The following FBRSL1 variants were observed in gnomAD, a reference collection of about 807,000 sequenced individuals.
FBRSL1 encodes fibrosin-1-like protein.
Under a neutral mutation model 89.6 loss-of-function variants are expected in FBRSL1, and 51 were observed. The ratio of observed to expected loss-of-function variants is 0.57; its 90% confidence interval spans 0.45 to 0.72. The LOEUF is 0.72. Ranked by LOEUF, FBRSL1 falls within the 30% of genes least tolerant of loss-of-function variation. FBRSL1 has a pLI of 0.00. For missense variants in FBRSL1, 1,618 were observed against 1,451.8 expected (o/e 1.11, Z -1.86); for synonymous variants, 779 against 681.1 (o/e 1.14, Z -2.24).
chr12:132,490,465 C>A lies in FBRSL1; in HGVS notation c.-106C>A. 1 of 806,738 alleles carries A rather than the reference C, an allele frequency of 1.2e-6. No individual in the cohort carries two copies. The highest frequency in any genetic ancestry group is 1.5e-6 in the Non-Finnish European group (1 of 672,258). The allele number at this position is 806,738 out of a possible 1,614,324, so 50.0% of individuals were successfully genotyped here. ...CCGCCGCCCAGGGCCCGAGCCCGCG[C>A]GGCGCACACTCAGCCCGGCGGCGCC... On this transcript the variant is annotated 5_prime_UTR_variant, in exon 1 of 19. Transcript: ENST00000680143.
chr12:132,498,435 G>C (rs2032415520), intron 1 of FBRSL1, among the ~76,000 whole-genome samples: 1 of 152,196 alleles, frequency 6.6e-6, no homozygotes, highest in East Asian at 1.9e-4. Flanking sequence ...CCGCAGCAGA[G>C]TGGATCTGTG....
chr12:132,512,929 C>T (rs2034500442), intron 2 of FBRSL1, among the ~76,000 whole-genome samples: 2 of 152,236 alleles, frequency 1.3e-5, no homozygotes, highest in Admixed American at 1.3e-4. Context: ...CTCGAACCCA[C>T]TGTCTGCACT....
At chr12:132,520,829 C>T (rs572389909) in intron 2 of FBRSL1, among the ~76,000 whole-genome samples, 36 of 152,330 alleles carry the variant, frequency 2.4e-4, no homozygotes, top group African/African-American at 7.0e-4. Flanking sequence ...GCGAAGGCAG[C>T]GGAGAGAGGT....
chr12:132,494,822 C>T (rs1431617782), intron 1 of FBRSL1, among the ~76,000 whole-genome samples: 1 of 152,224 alleles, frequency 6.6e-6, no homozygotes, highest in Non-Finnish European at 1.5e-5. Flanking sequence ...AAGGAAAGCA[C>T]CCAGCCTCCT....
intron 1 of FBRSL1, among the ~76,000 whole-genome samples, chr12:132,498,291 G>C (rs530805026): frequency 6.6e-6 from 1 of 152,170 alleles, no homozygotes; most frequent in Admixed American, 6.5e-5. Context: ...ACAGCAGTCG[G>C]AATGTTCCAG....
At chr12:132,572,870 G>GGA (rs1159637779) in intron 11 of FBRSL1, among the ~76,000 whole-genome samples, 2 of 152,238 alleles carry the variant, frequency 1.3e-5, no homozygotes, top group East Asian at 1.9e-4. Flanking sequence ...GGGACCGTGT[G>GGA]GAGAGCACAC....
intron 14 of FBRSL1, 69 bp from the exon 15 acceptor site, chr12:132,576,730 C>T: frequency 6.7e-7 from 1 of 1,496,724 alleles, no homozygotes; most frequent in Non-Finnish European, 9.0e-7. Context: ...TGTGGCCCCT[C>T]AGGCCTGGGC....
Position 132,490,444 on chromosome 12 carries a change from C to A in FBRSL1, c.-127C>A. 3.1e-6 allele frequency: 2 copies of A among 650,882 alleles called. No homozygotes were observed. The highest frequency in any genetic ancestry group is 1.4e-4 in the South Asian group (2 of 13,922). 40.3% of individuals were successfully genotyped at this position (650,882 alleles called of 1,614,324 possible). A position where few individuals can be genotyped will look rare whatever the true frequency, so the allele number is the denominator to read the frequency against. On this transcript the variant is annotated 5_prime_UTR_variant, in exon 1 of 19. Transcript: ENST00000680143. Reference sequence around the variant, plus strand: ...CCCGGCCCGGCCCGCCGCCCGCCGCCGCCCAGGGCCCGAGCCCGCGCGGCG... The same window carrying A: ...CCCGGCCCGGCCCGCCGCCCGCCGCAGCCCAGGGCCCGAGCCCGCGCGGCG...
intron 2 of FBRSL1, among the ~76,000 whole-genome samples, chr12:132,525,443 G>C (rs1328938013): frequency 6.6e-6 from 1 of 152,200 alleles, no homozygotes; most frequent in African/African-American, 2.4e-5. Flanking sequence ...TGAGCCGGTG[G>C]GTCCTGGGTA....
chr12:132,530,628 T>C (rs1274364529), intron 4 of FBRSL1, among the ~76,000 whole-genome samples: 1 of 151,516 alleles, frequency 6.6e-6, no homozygotes, highest in African/African-American at 2.4e-5. Context: ...GCACTCTGTG[T>C]TTCCTGAGAA....
chr12:132,548,600 G>C (rs574774619), intron 5 of FBRSL1, among the ~76,000 whole-genome samples: 101 of 152,326 alleles, frequency 6.6e-4, no homozygotes, highest in African/African-American at 2.3e-3. Context: ...GCAGCCTCCG[G>C]GGGGGCTCTC....
chr12:132,571,189 G>T lies in FBRSL1; in HGVS notation c.1335G>T (p.Ala445=). The T allele has an allele frequency of 2.1e-6, 3 of 1,432,590 alleles. No homozygotes were observed. The South Asian group carries it at 4.4e-5, about 21-fold the overall frequency. 88.7% of individuals were successfully genotyped at this position (1,432,590 alleles called of 1,614,324 possible). A position where few individuals can be genotyped will look rare whatever the true frequency, so the allele number is the denominator to read the frequency against. ...CTGCACCCCTGGGCCCGCACGTGGCGAGCGGCCACCCCGGCTTGGCCTGCC... is the reference window on the plus strand; with the variant it reads ...CTGCACCCCTGGGCCCGCACGTGGCTAGCGGCCACCCCGGCTTGGCCTGCC... ...LLPAPLGPHV[A]SGHPGLACRP... Residue 445 remains alanine (A), a synonymous_variant, in exon 9 of 19, where the codon GCG becomes GCT. Coordinates refer to ENST00000680143, the MANE Select transcript of FBRSL1 (RefSeq NM_001367871.1).
At chr12:132,517,747 ATAC>A (rs1220416105) in intron 2 of FBRSL1, among the ~76,000 whole-genome samples, 2 of 152,206 alleles carry the variant, frequency 1.3e-5, no homozygotes, top group African/African-American at 4.8e-5. Context: ...GCCTGGTCTC[ATAC>A]AGAGGGAAAC....
intron 2 of FBRSL1, among the ~76,000 whole-genome samples, chr12:132,519,139 C>A (rs1309126182): frequency 6.6e-6 from 1 of 152,230 alleles, no homozygotes. Context: ...TGCCTGAGTC[C>A]CTGTTTACTG....
Position 132,583,651 on chromosome 12 carries a change from CGGCGGCCGGGCCCCCCA to C in FBRSL1, c.2883_2899del (p.Ala963ProfsTer57). 3.9e-6 allele frequency: 4 copies of C among 1,028,744 alleles called. No homozygotes were observed. Among genetic ancestry groups the C allele is most frequent in the African/African-American group, 1.7e-5 (1 of 57,668 alleles). 63.7% of individuals were successfully genotyped at this position (1,028,744 alleles called of 1,614,324 possible). On this transcript the variant is annotated frameshift_variant, in exon 19 of 19. Coordinates refer to ENST00000680143, the MANE Select transcript of FBRSL1 (RefSeq NM_001367871.1). LOFTEE classifies it high-confidence loss of function. ...CTCGGCGCACCGCCCCCCCTGGTGA[CGGCGGCCGGGCCCCCCA>C]CGCCCCCCGGGCCGCCGCGGAGCCG...
chr12:132,555,608 G>A (rs2038571491), intron 5 of FBRSL1, among the ~76,000 whole-genome samples: 1 of 152,184 alleles, frequency 6.6e-6, no homozygotes, highest in South Asian at 2.1e-4. Flanking sequence ...TCATGGTGTT[G>A]GGTTCATGCT....
chr12:132,535,097 T>A (rs779194785), intron 4 of FBRSL1, among the ~76,000 whole-genome samples: 2 of 152,244 alleles, frequency 1.3e-5, no homozygotes, highest in African/African-American at 2.4e-5. Flanking sequence ...AATCCAATTA[T>A]GAGAACAGGC....
intron 1 of FBRSL1, among the ~76,000 whole-genome samples, chr12:132,501,667 C>T (rs928851103): frequency 3.9e-5 from 6 of 152,112 alleles, no homozygotes; most frequent in African/African-American, 9.7e-5. Context: ...AAATGCACGG[C>T]CCATTCCTGT....
chr12:132,527,372 C>G (rs1225511300), intron 3 of FBRSL1, among the ~76,000 whole-genome samples: 1 of 152,220 alleles, frequency 6.6e-6, no homozygotes, highest in Non-Finnish European at 1.5e-5. Flanking sequence ...CTGTGGGAGC[C>G]TCCTCGGGTT....
Sources: gnomAD v4.1 joint callset for allele counts (sites outside exome capture counted in the v4.1 genomes callset) on GRCh38, gnomAD v4.1.1 for gene constraint, MANE v1.5 for transcripts, NCBI Gene and HGNC (gene_info 2026-07-23, HGNC 2026-07-21) for gene names.